STK10: variants seen among roughly 807,000 people sequenced by gnomAD.
The protein encoded by STK10 is serine/threonine kinase 10, also known as serine/threonine-protein kinase 10.
STK10 carries 78 observed loss-of-function variants against 113.8 expected under a neutral mutation model. That is an observed-to-expected ratio of 0.69 (90% CI 0.57 to 0.83). STK10 has a LOEUF of 0.83. Among genes scored for constraint, STK10 ranks in the 40% least tolerant of loss-of-function variants. The pLI is 0.00. For missense variants in STK10, 1,109 were observed against 1,280.1 expected, an observed-to-expected ratio of 0.87 and a Z score of 2.04; for synonymous variants, 465 against 494.7, an observed-to-expected ratio of 0.94 and a Z score of 0.80.
chr5:172,054,501 T>C (rs1317532197), intron 17 of STK10, 68 bp downstream of exon 17: 4 of 1,552,756 alleles, frequency 2.6e-6, no homozygotes, highest in Non-Finnish European at 3.5e-6. Flanking sequence ...TCTGGCCCCC[T>C]GAGATCTGAT....
At chr5:172,144,111 T>C (rs1400763245) in intron 2 of STK10, among the ~76,000 whole-genome samples, 1 of 152,220 alleles carries the variant, frequency 6.6e-6, no homozygotes, top group Non-Finnish European at 1.5e-5. Context: ...GCAATACAAA[T>C]ATTCCTGTTT....
chr5:172,173,871 C>G (rs978303158), intron 1 of STK10, among the ~76,000 whole-genome samples: 1 of 152,212 alleles, frequency 6.6e-6, no homozygotes, highest in Admixed American at 6.5e-5. Flanking sequence ...GGGCTGGCCA[C>G]AAGCATCAAT....
At chr5:172,048,832 C>CT (rs200185371) in intron 18 of STK10, among the ~76,000 whole-genome samples, 1 of 152,126 alleles carries the variant, frequency 6.6e-6, no homozygotes, top group African/African-American at 2.4e-5. Context: ...TACGCAGGCC[C>CT]CCCACCCCTC....
At chr5:172,081,299 C>T (rs62384623) in intron 12 of STK10, among the ~76,000 whole-genome samples, 24,278 of 146,594 alleles carry the variant, frequency 0.17, 2,280 homozygotes, top group African/African-American at 0.25. Context: ...TGCAGTGAGC[C>T]GAGATTGTGC....
intron 6 of STK10, among the ~76,000 whole-genome samples, chr5:172,106,401 CAAAAAA>C (rs368671444): frequency 1.9e-5 from 1 of 53,442 alleles, no homozygotes; most frequent in African/African-American, 5.5e-5. Flanking sequence ...GACCCTATCT[CAAAAAA>C]AAAAAAAAAA....
At chr5:172,180,319 G>T (rs1806508) in intron 1 of STK10, among the ~76,000 whole-genome samples, 23,996 of 150,356 alleles carry the variant, frequency 0.16, 1,975 homozygotes, top group East Asian at 0.29. Context: ...ACAAAAATTA[G>T]CTGGGCATGG....
rs532392031 is a variant in STK10 at position 172,126,276 on chromosome 5, G to A, written c.370+1097C>T. On this transcript the variant is annotated intron_variant, in intron 3 of 18. Coordinates refer to ENST00000176763, the MANE Select transcript of STK10 (RefSeq NM_005990.4). ...GAGTCCCTTAACCTTTCAAGTGTCA[G>A]CCCAATCAAAAATAAAAGTGATATT... Among the ~76,000 whole-genome samples, 143 of 152,318 alleles carry A rather than the reference G, an allele frequency of 9.4e-4. 1 individual carries two copies. The highest frequency in any genetic ancestry group is 2.9e-3 in the African/African-American group (120 of 41,578).
Position 172,082,308 on chromosome 5 carries a change from C to G in STK10, c.1989+18G>C. On this transcript the variant is annotated intron_variant, in intron 12 of 18. Transcript: ENST00000176763. This position sits in a 1 kb window ranked among gnomAD's most constrained non-coding sequence, Gnocchi z 4.3. ...TAATACTCCGAGATGCCCCTGCCCC[C>G]ACTGAGCACATACTCACCTCTTTCT... 6.0e-6 allele frequency: 9 copies of G among 1,510,248 alleles called. No homozygotes were observed. Among genetic ancestry groups the G allele is most frequent in the Non-Finnish European group, 8.0e-6 (9 of 1,129,270 alleles). The allele number at this position is 1,510,248 out of a possible 1,614,324, so 93.6% of individuals were successfully genotyped here.
At chr5:172,138,805 G>A (rs1242087608) in intron 2 of STK10, among the ~76,000 whole-genome samples, 1 of 152,198 alleles carries the variant, frequency 6.6e-6, no homozygotes, top group South Asian at 2.1e-4. Context: ...GAGGTCAGGA[G>A]ATCGAGACCA....
intron 1 of STK10, among the ~76,000 whole-genome samples, chr5:172,176,265 C>G (rs1161154115): frequency 6.6e-6 from 1 of 152,232 alleles, no homozygotes; most frequent in Non-Finnish European, 1.5e-5. Context: ...GGTTCCCAGA[C>G]AACCTCTGAT....
chr5:172,064,907 C>CA, intron 12 of STK10, 95 bp from the exon 13 acceptor site: 3 of 1,378,594 alleles, frequency 2.2e-6, no homozygotes, highest in Non-Finnish European at 3.0e-6. Context: ...CCAGAGAAAC[C>CA]AAAGAAGAGG....
chr5:172,120,216 A>G lies in STK10; in HGVS notation c.371-2586T>C, dbSNP rs1172244947. 6.6e-6 allele frequency among the ~76,000 whole-genome samples: 1 copy of G among 152,086 alleles called. No homozygotes were observed. Among genetic ancestry groups the G allele is most frequent in the African/African-American group, 2.4e-5 (1 of 41,426 alleles). On this transcript the variant is annotated intron_variant, in intron 3 of 18. Transcript: ENST00000176763. The surrounding 1 kb of genome is among the most constrained non-coding windows in gnomAD (Gnocchi z 4.0). ...AGGCTGTCGGCTTCTAAGCCTGGTC[A>G]CCAAAGGGCACTGCTCCGAGTCTTC...
intron 1 of STK10, among the ~76,000 whole-genome samples, chr5:172,168,153 G>GC (rs1770603456): frequency 6.6e-6 from 1 of 152,192 alleles, no homozygotes; most frequent in Non-Finnish European, 1.5e-5. Context: ...GCCGTGCCAG[G>GC]CATGTATCAA....
Position 172,055,578 on chromosome 5 carries a change from C to T in STK10, c.2526+10G>A, listed in dbSNP as rs545029967. The T allele has an allele frequency of 2.5e-5, 36 of 1,458,010 alleles. No individual in the cohort carries two copies. Among genetic ancestry groups the T allele is most frequent in the Non-Finnish European group, 2.9e-5 (32 of 1,094,714 alleles). 90.3% of individuals were successfully genotyped at this position (1,458,010 alleles called of 1,614,324 possible). A position where few individuals can be genotyped will look rare whatever the true frequency, so the allele number is the denominator to read the frequency against. On this transcript the variant is annotated intron_variant, in intron 16 of 18. Transcript: ENST00000176763. ...AGCACACTTGCAGACCCCGCAGGCC[C>T]GGCCCCCACCTGCTTGATCTTCTCA... is the stretch of plus-strand genomic sequence containing the variant.
At chr5:172,168,226 G>A (rs1024699970) in intron 1 of STK10, among the ~76,000 whole-genome samples, 3 of 152,238 alleles carry the variant, frequency 2.0e-5, no homozygotes, top group African/African-American at 7.2e-5. Context: ...ATGTACAGCT[G>A]TGCTGTCCCT....
rs887561103 is a variant in STK10, at chr5:172,082,619, C to A, written c.1810-114G>T. On this transcript the variant is annotated intron_variant, in intron 11 of 18. Transcript: ENST00000176763. This position sits in a 1 kb window ranked among gnomAD's most constrained non-coding sequence, Gnocchi z 4.3. ...TTGTGATCAGACCTAAGCTTGAATC[C>A]CAGCTCTACTACCCCGTTGCTGTGT... is the stretch of plus-strand genomic sequence containing the variant. 7.6e-7 allele frequency: 1 copy of A among 1,320,894 alleles called. No individual in the cohort carries two copies. The highest frequency in any genetic ancestry group is 1.5e-5 in the African/African-American group (1 of 67,672). The allele number at this position is 1,320,894 out of a possible 1,614,324, so 81.8% of individuals were successfully genotyped here.
chr5:172,177,357 C>G (rs1434305429), intron 1 of STK10, among the ~76,000 whole-genome samples: 2 of 152,180 alleles, frequency 1.3e-5, no homozygotes, highest in East Asian at 3.8e-4. Flanking sequence ...TTATTGTTTG[C>G]AAGCCATCCA....
chr5:172,160,873 C>T (rs569887132), intron 1 of STK10, among the ~76,000 whole-genome samples: 7 of 152,254 alleles, frequency 4.6e-5, no homozygotes, highest in Admixed American at 2.6e-4. Context: ...GATCCTCTAA[C>T]GTCAAAATTT....
At chr5:172,091,244 G>A (rs1391568952) in intron 9 of STK10, among the ~76,000 whole-genome samples, 3 of 152,168 alleles carry the variant, frequency 2.0e-5, no homozygotes, top group East Asian at 1.9e-4. Context: ...AAAGGAGCCC[G>A]AAAACCAAAG....
Sources: gnomAD v4.1 joint callset for allele counts (sites outside exome capture counted in the v4.1 genomes callset) on GRCh38, gnomAD v4.1.1 for gene constraint, Gnocchi (gnomAD v3.1) non-coding constraint, MANE v1.5 for transcripts, NCBI Gene and HGNC (gene_info 2026-07-23, HGNC 2026-07-21) for gene names.